The following RCOR3 variants were observed in gnomAD, a reference collection of about 807,000 sequenced individuals.
RCOR3 encodes REST corepressor 3.
RCOR3 carries 13 observed loss-of-function variants against 64.1 expected under a neutral mutation model. The observed-to-expected ratio is 0.20, with a 90% CI of 0.13 to 0.32. The LOEUF (loss-of-function observed/expected upper bound fraction) is 0.32. Among genes scored for constraint, RCOR3 ranks in the 10% least tolerant of loss-of-function variants. RCOR3 has a pLI of 1.00. For synonymous variants in RCOR3, 215 were observed against 239.0 expected (o/e 0.90, Z 0.93); for missense variants, 489 against 701.2 (o/e 0.70, Z 3.42).
intron 10 of RCOR3, among the ~76,000 whole-genome samples, chr1:211,308,661 GTTTTTTTTTTTGTTTTTTTTTTGTT>G (rs1309325000): frequency 8.0e-3 from 219 of 27,492 alleles, no homozygotes; most frequent in Non-Finnish European, 0.013. Flanking sequence ...TTTTGGATGT[GTTTTTTTTTTTGTTTTTTTTTTGTT>G]TTTTTTTTTT....
chr1:211,291,480 G>A (rs991102142), intron 8 of RCOR3: 1 of 439,894 alleles, frequency 2.3e-6, no homozygotes, highest in Non-Finnish European at 4.5e-6. Context: ...TTTGGATAAG[G>A]GAATACTCAA....
chr1:211,267,506 T>C (rs1044887735), intron 2 of RCOR3, among the ~76,000 whole-genome samples: 4 of 152,352 alleles, frequency 2.6e-5, no homozygotes, highest in South Asian at 4.1e-4. Context: ...CTCACCGATA[T>C]TGGAAGAGCT....
chr1:211,309,127 A>G (rs1177848493), intron 10 of RCOR3, among the ~76,000 whole-genome samples: 2 of 149,976 alleles, frequency 1.3e-5, no homozygotes, highest in Non-Finnish European at 3.0e-5. Flanking sequence ...CCATTTTCAC[A>G]GTTGGGAAAT....
At chr1:211,309,878 CATT>C (rs1440494557) in intron 10 of RCOR3, among the ~76,000 whole-genome samples, 2 of 152,128 alleles carry the variant, frequency 1.3e-5, no homozygotes, top group African/African-American at 4.8e-5. Context: ...GGAGCAGTCT[CATT>C]GAGTCAGTTG....
intron 7 of RCOR3, among the ~76,000 whole-genome samples, chr1:211,280,984 C>A (rs374280047): frequency 1.7e-3 from 190 of 113,872 alleles, no homozygotes; most frequent in African/African-American, 2.0e-3. Flanking sequence ...AACTCCATCT[C>A]AAAAAAAAAA....
intron 7 of RCOR3, among the ~76,000 whole-genome samples, chr1:211,284,799 G>C (rs1257596770): frequency 6.6e-6 from 1 of 152,190 alleles, no homozygotes; most frequent in African/African-American, 2.4e-5. Context: ...TGGGATAACA[G>C]GTGTGAGCCC....
Position 211,259,402 on chromosome 1 carries a change from G to A in RCOR3, c.-159G>A, listed in dbSNP as rs1693760578. ...GCGACTGCGCTACTGCCGGAGCGGG[G>A]CGGTTATGGCGGCTCCATATTAACA... On this transcript the variant is annotated 5_prime_UTR_variant, in exon 1 of 12. Coordinates refer to ENST00000419091, the MANE Select transcript of RCOR3 (RefSeq NM_001136223.3). The A allele has an allele frequency of 3.2e-6, 2 of 632,838 alleles. No individual in the cohort carries two copies. The highest frequency in any genetic ancestry group is 5.2e-6 in the Non-Finnish European group (2 of 382,620). The allele number at this position is 632,838 out of a possible 1,614,324, so 39.2% of individuals were successfully genotyped here.
At chr1:211,278,548 C>T (rs1697334660) in intron 6 of RCOR3, among the ~76,000 whole-genome samples, 2 of 151,964 alleles carry the variant, frequency 1.3e-5, no homozygotes, top group Admixed American at 1.3e-4. Context: ...AACTGAAACC[C>T]TTATTATTGA....
intron 9 of RCOR3, chr1:211,303,173 C>G (rs1162985770): frequency 6.6e-6 from 1 of 152,140 alleles, no homozygotes. Flanking sequence ...CTCCTTAATT[C>G]TAACTCCGTT....
At chr1:211,269,466 G>A (rs1240374073) in intron 2 of RCOR3, among the ~76,000 whole-genome samples, 1 of 152,046 alleles carries the variant, frequency 6.6e-6, no homozygotes, top group African/African-American at 2.4e-5. Flanking sequence ...GTGTGGTTGT[G>A]CATGCCTGTA....
intron 7 of RCOR3, 30 bp from the exon 8 acceptor site, chr1:211,289,148 T>G: frequency 5.9e-6 from 9 of 1,538,410 alleles, no homozygotes; most frequent in Non-Finnish European, 8.1e-6. Flanking sequence ...GAAAACCAAG[T>G]GACCTGTTAT....
chr1:211,313,393 C>T lies in RCOR3; in HGVS notation c.1318-31C>T, dbSNP rs1184404017. 1 of 1,592,134 alleles carries T rather than the reference C, an allele frequency of 6.3e-7. No homozygotes were observed. The highest frequency in any genetic ancestry group is 1.1e-5 in the South Asian group (1 of 87,882). On this transcript the variant is annotated intron_variant, in intron 11 of 11. Coordinates refer to ENST00000419091, the MANE Select transcript of RCOR3 (RefSeq NM_001136223.3). The surrounding 1 kb of genome is among the most constrained non-coding windows in gnomAD (Gnocchi z 4.7). ...ATTAAGTTCATTAGGACTTACATCT[C>T]ATACGTGTATTTTTGTTTCCTCACC... is the stretch of plus-strand genomic sequence containing the variant.
At chr1:211,308,684 G>GTTTTTTTTTTTTTT (rs71585833) in intron 10 of RCOR3, among the ~76,000 whole-genome samples, 3 of 42,046 alleles carry the variant, frequency 7.1e-5, no homozygotes, top group African/African-American at 7.7e-5. Context: ...TTTTTTTTTT[G>GTTTTTTTTTTTTTT]TTTTTTTTTT....
chr1:211,294,113 G>A (rs1699570174), intron 8 of RCOR3, among the ~76,000 whole-genome samples: 1 of 152,096 alleles, frequency 6.6e-6, no homozygotes, highest in South Asian at 2.1e-4. Flanking sequence ...ATATACTCTG[G>A]AAAAATTTGA....
chr1:211,269,407 C>T (rs185783674), intron 2 of RCOR3, among the ~76,000 whole-genome samples: 6 of 152,048 alleles, frequency 3.9e-5, no homozygotes, highest in Non-Finnish European at 7.4e-5. Flanking sequence ...ACCAGCCTGG[C>T]CAACATGATG....
chr1:211,301,106 A>T (rs183276778), intron 9 of RCOR3, among the ~76,000 whole-genome samples: 3,100 of 152,232 alleles, frequency 0.02, 32 homozygotes, highest in Non-Finnish European at 0.025. Context: ...AAAAAAATTT[A>T]AAAAATAATT....
At chr1:211,281,304 C>G (rs564883338) in intron 7 of RCOR3, among the ~76,000 whole-genome samples, 1 of 152,218 alleles carries the variant, frequency 6.6e-6, no homozygotes, top group South Asian at 2.1e-4. Flanking sequence ...TTACTCTATT[C>G]CTTTTATCAT....
At position 211,295,038 on chromosome 1, in the gene RCOR3, C is replaced by G. The variant is rs746774303; in HGVS notation, c.940-638C>G. 1.4e-4 allele frequency among the ~76,000 whole-genome samples: 19 copies of G among 138,756 alleles called. No individual in the cohort carries two copies. The East Asian group carries it at 2.1e-3, about 16-fold the overall frequency. The allele number at this position is 138,756 out of a possible 152,430, so 91.0% of individuals were successfully genotyped here. A position where few individuals can be genotyped will look rare whatever the true frequency, so the allele number is the denominator to read the frequency against. On this transcript the variant is annotated intron_variant, in intron 8 of 11. Coordinates refer to ENST00000419091, the MANE Select transcript of RCOR3 (RefSeq NM_001136223.3). The stretch of plus-strand genomic sequence containing the variant: ...GACTACAGGTTCATGCCACCATGAC[C>G]AGCTAATTTTTTTTTTTTTTTTTTT...
chr1:211,307,627 A>G (rs770600313), intron 10 of RCOR3, among the ~76,000 whole-genome samples: 8 of 152,056 alleles, frequency 5.3e-5, no homozygotes, highest in Middle Eastern at 3.2e-3. Flanking sequence ...TTATAGTACA[A>G]AACACCTTTT....
Sources: gnomAD v4.1 joint callset for allele counts (sites outside exome capture counted in the v4.1 genomes callset) on GRCh38, gnomAD v4.1.1 for gene constraint, Gnocchi (gnomAD v3.1) non-coding constraint, MANE v1.5 for transcripts, NCBI Gene and HGNC (gene_info 2026-07-23, HGNC 2026-07-21) for gene names.